Variants in PLCE1 observed in about 807,000 individuals in gnomAD.
The protein encoded by PLCE1 is 1-phosphatidylinositol 4,5-bisphosphate phosphodiesterase epsilon-1.
PLCE1 carries 119 observed loss-of-function variants against 242.8 expected under a neutral mutation model. The observed-to-expected ratio is 0.49, with a 90% CI of 0.42 to 0.57. The LOEUF (loss-of-function observed/expected upper bound fraction) is 0.57, where lower values mean the gene tolerates loss of function less well. Ranked by LOEUF, PLCE1 falls within the 20% of genes least tolerant of loss-of-function variation. The pLI, the probability that PLCE1 is intolerant of heterozygous loss-of-function variation, is 0.00. For missense variants in PLCE1, 2,441 were observed against 2,788.8 expected, an observed-to-expected ratio of 0.88 and a Z score of 2.81; for synonymous variants, 945 against 1,017.4, an observed-to-expected ratio of 0.93 and a Z score of 1.35.
At chr10:94,165,018 G>A (rs933611563) in intron 3 of PLCE1, among the ~76,000 whole-genome samples, 3 of 152,148 alleles carry the variant, frequency 2.0e-5, no homozygotes, top group Non-Finnish European at 2.9e-5. Context: ...AGGAGTACCC[G>A]GCCGTGTGAG....
At chr10:94,130,666 T>G (rs1006876324) in intron 2 of PLCE1, among the ~76,000 whole-genome samples, 5 of 152,246 alleles carry the variant, frequency 3.3e-5, no homozygotes, top group African/African-American at 1.2e-4. Flanking sequence ...ACTAGAAATT[T>G]AATGACAGAG....
At chr10:94,128,106 G>A (rs2046488492) in intron 2 of PLCE1, among the ~76,000 whole-genome samples, 1 of 151,074 alleles carries the variant, frequency 6.6e-6, no homozygotes, top group Admixed American at 6.6e-5. Flanking sequence ...TCGTGCCTCA[G>A]CCTCCCGAGT....
chr10:94,284,817 A>G, intron 21 of PLCE1, 31 bp from the exon 22 acceptor site: 1 of 1,171,332 alleles, frequency 8.5e-7, no homozygotes, highest in South Asian at 1.2e-5. Flanking sequence ...TATACCTTCC[A>G]TGTAAAATGG....
Position 94,235,967 on chromosome 10 carries a change from A to G in PLCE1, c.2267A>G (p.Asn756Ser). 1.2e-6 allele frequency: 2 copies of G among 1,614,092 alleles called. No homozygotes were observed. Among genetic ancestry groups the G allele is most frequent in the South Asian group, 1.1e-5 (1 of 91,078 alleles). The change falls in exon 7 of 33, where the codon AAT becomes AGT. Residue 756 changes from asparagine to serine, a missense_variant. Physicochemically the swap from Asn to Ser is conservative, Grantham distance 46. Transcript: ENST00000371380. Reference protein sequence around the residue: ...QDNFLQRVGQNGLKNSEKEST... With the variant: ...QDNFLQRVGQSGLKNSEKEST... ...AATTTCTTACAACGAGTGGGACAAA[A>G]TGGCTTAAAGAATTCGGAGAAGGAG... is the stretch of plus-strand genomic sequence containing the variant.
intron 2 of PLCE1, among the ~76,000 whole-genome samples, chr10:94,111,578 G>C (rs2045957141): frequency 6.6e-6 from 1 of 152,162 alleles, no homozygotes; most frequent in Admixed American, 6.5e-5. Flanking sequence ...TGGGTGGCTA[G>C]AGAGCCCCTG....
chr10:94,261,225 G>A (rs1461108385), intron 13 of PLCE1, among the ~76,000 whole-genome samples: 1 of 152,130 alleles, frequency 6.6e-6, no homozygotes, highest in East Asian at 1.9e-4. Flanking sequence ...TTTCCAGAAT[G>A]TCATATAGTT....
intron 28 of PLCE1, among the ~76,000 whole-genome samples, chr10:94,313,741 C>G (rs1589524289): frequency 6.6e-6 from 1 of 151,298 alleles, no homozygotes; most frequent in East Asian, 2.0e-4. Context: ...AATCTTCCTT[C>G]TTCACGCAGA....
In PLCE1 at chr10:94,031,735, A is replaced by T. The variant is rs376748611; in HGVS notation, c.689A>T (p.Tyr230Phe). The T allele has an allele frequency of 1.9e-6, 3 of 1,613,794 alleles. No homozygotes were observed. The highest frequency in any genetic ancestry group is 2.7e-5 in the African/African-American group (2 of 75,050). ...PGGEEKQKKN[Y>F]VAYTCKLMEL... ...GGTGAGGAGAAGCAAAAGAAAAACT[A>T]TGTGGCATATACCTGTAAACTGATG... is the stretch of plus-strand genomic sequence containing the variant. Residue 230 changes from tyrosine (Y) to phenylalanine (F), a missense_variant, in exon 2 of 33, where the codon TAT (tyrosine) becomes TTT (phenylalanine). Physicochemically the swap from Tyr to Phe is conservative, Grantham distance 22. Transcript: ENST00000371380.
intron 20 of PLCE1, among the ~76,000 whole-genome samples, chr10:94,282,977 C>G (rs1213890655): frequency 6.6e-6 from 1 of 152,094 alleles, no homozygotes; most frequent in African/African-American, 2.4e-5. Context: ...TTCTTGTCAG[C>G]CTGCATGGCC....
chr10:94,264,648 A>G (rs2051447709), intron 14 of PLCE1, among the ~76,000 whole-genome samples: 2 of 150,166 alleles, frequency 1.3e-5, no homozygotes, highest in Admixed American at 1.3e-4. Flanking sequence ...CAGCCTCCCA[A>G]GTAGCTGGGA....
At chr10:94,035,193 C>T (rs1464727389) in intron 2 of PLCE1, among the ~76,000 whole-genome samples, 3 of 152,100 alleles carry the variant, frequency 2.0e-5, no homozygotes, top group Non-Finnish European at 4.4e-5. Flanking sequence ...CATGTACACT[C>T]GAACATTAAG....
At chr10:94,034,227 A>T (rs1298844872) in intron 2 of PLCE1, among the ~76,000 whole-genome samples, 2 of 152,182 alleles carry the variant, frequency 1.3e-5, no homozygotes, top group Non-Finnish European at 2.9e-5. Flanking sequence ...CCCTTGACAC[A>T]TGGAGATTAT....
chr10:94,322,065 A>T lies in PLCE1; in HGVS notation c.6501+6A>T. Reference sequence around the variant, plus strand: ...CACAGGATGTCATTCAGCAGGTAAAAGCCTCTCCCTTCCTCACCTGAGTCC... The same window carrying T: ...CACAGGATGTCATTCAGCAGGTAAATGCCTCTCCCTTCCTCACCTGAGTCC... On this transcript the variant is annotated splice_donor_region_variant and intron_variant, in intron 30 of 32. Transcript: ENST00000371380. 1 of 1,613,740 alleles carries T rather than the reference A, an allele frequency of 6.2e-7. No homozygotes were observed. The highest frequency in any genetic ancestry group is 8.5e-7 in the Non-Finnish European group (1 of 1,179,646).
intron 3 of PLCE1, among the ~76,000 whole-genome samples, chr10:94,170,902 T>G (rs1361680878): frequency 6.6e-6 from 1 of 152,114 alleles, no homozygotes; most frequent in Non-Finnish European, 1.5e-5. Flanking sequence ...GTAAACTGGT[T>G]GGGGAATTAT....
intron 1 of PLCE1, among the ~76,000 whole-genome samples, chr10:94,015,740 G>T (rs2061265363): frequency 6.6e-6 from 1 of 152,160 alleles, no homozygotes; most frequent in South Asian, 2.1e-4. Context: ...AGGGAATAGG[G>T]GGCTAGCGCA....
rs2061009833 is a variant in PLCE1 at position 94,005,212 on chromosome 10, C to G, written c.-365+10954C>G. Among the ~76,000 whole-genome samples, 3 of 152,222 alleles carry G rather than the reference C, an allele frequency of 2.0e-5. No individual in the cohort carries two copies. The South Asian group carries it at 6.2e-4, about 31-fold the overall frequency. ...TCAGACTAGAATGTACAAGGAGAGA[C>G]AGCAAATGCTCACCTTGTGACCAGT... On this transcript the variant is annotated intron_variant, in intron 1 of 32. Transcript: ENST00000371380.
At chr10:94,248,430 G>A (rs1333296075) in intron 8 of PLCE1, among the ~76,000 whole-genome samples, 3 of 152,076 alleles carry the variant, frequency 2.0e-5, no homozygotes, top group Non-Finnish European at 2.9e-5. Context: ...GCAAAATCCC[G>A]CCTCTACTAA....
intron 2 of PLCE1, among the ~76,000 whole-genome samples, chr10:94,094,987 T>C (rs2045249308): frequency 6.6e-6 from 1 of 152,258 alleles, no homozygotes; most frequent in Admixed American, 6.5e-5. Context: ...AAAAACTTCT[T>C]TTCTTACATG....
At chr10:94,232,392 A>C (rs936200178) in intron 5 of PLCE1, among the ~76,000 whole-genome samples, 2 of 152,092 alleles carry the variant, frequency 1.3e-5, no homozygotes, top group African/African-American at 4.8e-5. Context: ...AGGAAGATAG[A>C]GTTTATCTTT....
Sources: allele counts gnomAD v4.1 joint callset (sites outside exome capture counted in the v4.1 genomes callset), GRCh38; gene constraint gnomAD v4.1.1; transcripts MANE v1.5; gene names NCBI Gene and HGNC (gene_info 2026-07-23, HGNC 2026-07-21).